Variants in DENND1A observed in about 807,000 individuals in gnomAD.
DENND1A encodes DENN domain containing 1A.
DENND1A carries 51 observed loss-of-function variants against 113.7 expected under a neutral mutation model. The observed-to-expected ratio is 0.45, with a 90% CI of 0.36 to 0.57. DENND1A has a LOEUF of 0.57. DENND1A is among the 20% of genes least tolerant of loss of function. The probability of loss-of-function intolerance (pLI) is 0.00; values close to 1 mark genes in which losing one functional copy is unlikely to be tolerated. For missense variants in DENND1A, 1,258 were observed against 1,395.9 expected (o/e 0.90, Z 1.57); for synonymous variants, 565 against 570.8 (o/e 0.99, Z 0.14).
intron 1 of DENND1A, among the ~76,000 whole-genome samples, chr9:123,881,677 C>T (rs553899288): frequency 2.0e-5 from 3 of 152,194 alleles, no homozygotes; most frequent in South Asian, 2.1e-4. Flanking sequence ...CTTTAAAACA[C>T]GGGGACACCA....
intron 13 of DENND1A, among the ~76,000 whole-genome samples, chr9:123,527,084 G>C (rs1271378159): frequency 6.6e-6 from 1 of 152,156 alleles, no homozygotes; most frequent in South Asian, 2.1e-4. Flanking sequence ...GGTTGGTCTT[G>C]TTTTACTTTT....
chr9:123,581,446 C>T (rs1048394212), intron 12 of DENND1A, among the ~76,000 whole-genome samples: 4 of 151,984 alleles, frequency 2.6e-5, no homozygotes, highest in Admixed American at 2.6e-4. Context: ...CCAGTCTGGG[C>T]AACACAGCAA....
intron 2 of DENND1A, among the ~76,000 whole-genome samples, chr9:123,834,324 A>G (rs1453244910): frequency 1.3e-5 from 2 of 152,256 alleles, no homozygotes; most frequent in African/African-American, 2.4e-5. Context: ...TGCTAAGTAT[A>G]TAAGAAACTC....
At chr9:123,524,460 C>T (rs750652552) in intron 13 of DENND1A, among the ~76,000 whole-genome samples, 2 of 152,124 alleles carry the variant, frequency 1.3e-5, no homozygotes, top group East Asian at 1.9e-4. Flanking sequence ...TGAGTGAAGG[C>T]GGCAGGGTGT....
At chr9:123,524,028 A>G (rs1021341019) in intron 13 of DENND1A, among the ~76,000 whole-genome samples, 7 of 152,336 alleles carry the variant, frequency 4.6e-5, no homozygotes, top group Admixed American at 1.3e-4. Flanking sequence ...AGCATGTGGT[A>G]TTAGAGAAAA....
chr9:123,742,213 C>T lies in DENND1A; in HGVS notation c.302+15490G>A, dbSNP rs932812003. On this transcript the variant is annotated intron_variant, in intron 5 of 23. Transcript: ENST00000394215. ...TAAAGAAGGCCTGCTGGTTAAGGGG[C>T]GTCCTCTGTTTCCAAAGCATGGGAA... is the stretch of plus-strand genomic sequence containing the variant. Among the ~76,000 whole-genome samples, 22 of 149,708 alleles carry T rather than the reference C, an allele frequency of 1.5e-4. No individual in the cohort carries two copies. The Middle Eastern group carries it at 0.01, about 70-fold the overall frequency.
intron 13 of DENND1A, among the ~76,000 whole-genome samples, chr9:123,538,528 G>A (rs1042836954): frequency 3.9e-5 from 6 of 151,914 alleles, no homozygotes; most frequent in Non-Finnish European, 7.4e-5. Flanking sequence ...TGTAATATCA[G>A]ATAGCAAGAG....
At chr9:123,590,074 C>A (rs1012619298) in intron 11 of DENND1A, among the ~76,000 whole-genome samples, 1 of 152,210 alleles carries the variant, frequency 6.6e-6, no homozygotes, top group South Asian at 2.1e-4. Context: ...ATAGCCCTAA[C>A]AGGCACTCAT....
At position 123,878,957 on chromosome 9, in the gene DENND1A, G is replaced by C; in HGVS notation, c.82C>G (p.Leu28Val). Residue 28 changes from leucine (L) to valine (V), a missense_variant, in exon 2 of 24, where the codon CTT (leucine) becomes GTT (valine). Physicochemically the swap from Leu to Val is conservative, Grantham distance 32. Transcript: ENST00000394215. The part of the protein sequence containing the change: ...EVAYPRTGGT[L>V]SDPEVQRQFP... ...AATCAAACATGCAAAGTACCTGAAA[G>C]AGTGCCACCTGTCCTGGGATAGGCC... 3.1e-6 allele frequency: 5 copies of C among 1,613,966 alleles called. No individual in the cohort carries two copies. The highest frequency in any genetic ancestry group is 4.2e-6 in the Non-Finnish European group (5 of 1,179,922).
chr9:123,510,476 G>A (rs748559865), intron 13 of DENND1A, among the ~76,000 whole-genome samples: 26 of 152,226 alleles, frequency 1.7e-4, no homozygotes, highest in Non-Finnish European at 3.4e-4. Flanking sequence ...GTATGCACCT[G>A]CCATTTTTTG....
intron 5 of DENND1A, among the ~76,000 whole-genome samples, chr9:123,755,962 G>A (rs981019057): frequency 4.6e-5 from 7 of 152,126 alleles, no homozygotes; most frequent in African/African-American, 1.7e-4. Context: ...TCAAGCTGGA[G>A]TACAGTGGCA....
chr9:123,615,751 T>C (rs1053492271), intron 10 of DENND1A, among the ~76,000 whole-genome samples: 4 of 152,176 alleles, frequency 2.6e-5, no homozygotes, highest in Non-Finnish European at 5.9e-5. Flanking sequence ...GACTCTAGAT[T>C]GTCAGTCACA....
intron 16 of DENND1A, among the ~76,000 whole-genome samples, chr9:123,454,251 G>A (rs2047944356): frequency 1.3e-5 from 2 of 152,290 alleles, no homozygotes; most frequent in South Asian, 4.1e-4. Flanking sequence ...GAAGGGAAAG[G>A]CAAGATTTCG....
intron 5 of DENND1A, among the ~76,000 whole-genome samples, chr9:123,681,111 G>C (rs187870578): frequency 2.7e-4 from 41 of 152,238 alleles, no homozygotes; most frequent in South Asian, 6.2e-4. Context: ...AGGATGAGGA[G>C]GGAGTCTCAT....
At chr9:123,726,369 CCTGA>C (rs1312628665) in intron 5 of DENND1A, among the ~76,000 whole-genome samples, 2 of 152,198 alleles carry the variant, frequency 1.3e-5, no homozygotes, top group African/African-American at 2.4e-5. Flanking sequence ...TGAATCCAAG[CCTGA>C]CTATGAATCC....
chr9:123,826,011 G>GA (rs143395015), intron 2 of DENND1A, among the ~76,000 whole-genome samples: 7,736 of 152,286 alleles, frequency 0.051, 273 homozygotes, highest in Admixed American at 0.088. Context: ...ATACCTGAGT[G>GA]AGAGTCAAAG....
At chr9:123,407,154 A>AG in intron 20 of DENND1A, among the ~76,000 whole-genome samples, 2 of 2,574 alleles carry the variant, frequency 7.8e-4, no homozygotes, top group Non-Finnish European at 1.5e-3. Flanking sequence ...CAGACAGAGC[A>AG]GGGGGGGAGG....
intron 19 of DENND1A, chr9:123,414,032 T>C (rs2044522028): frequency 1.0e-6 from 1 of 991,678 alleles, no homozygotes; most frequent in African/African-American, 1.7e-5. Context: ...TCTTCACTGC[T>C]TGTCACCTCT....
chr9:123,783,398 G>A (rs1831613432), intron 3 of DENND1A, among the ~76,000 whole-genome samples: 1 of 152,148 alleles, frequency 6.6e-6, no homozygotes, highest in African/African-American at 2.4e-5. Flanking sequence ...AATTCTAGAG[G>A]CAAAGGTTAT....
Sources: gnomAD v4.1 joint callset for allele counts (sites outside exome capture counted in the v4.1 genomes callset) on GRCh38, gnomAD v4.1.1 for gene constraint, MANE v1.5 for transcripts, NCBI Gene and HGNC (gene_info 2026-07-23, HGNC 2026-07-21) for gene names.